Variants in CACNA1B observed in about 807,000 individuals in gnomAD.
CACNA1B encodes voltage-dependent N-type calcium channel subunit alpha-1B.
CACNA1B carries 70 observed loss-of-function variants against 247.2 expected under a neutral mutation model. The ratio of observed to expected loss-of-function variants is 0.28; its 90% CI spans 0.23 to 0.35. CACNA1B has a LOEUF of 0.35. CACNA1B is among the 10% of genes least tolerant of loss of function. The probability of loss-of-function intolerance (pLI) is 1.00; values close to 1 mark genes in which losing one functional copy is unlikely to be tolerated. For missense variants in CACNA1B, 2,367 were observed against 3,197.4 expected (o/e 0.74, Z 6.26); for synonymous variants, 1,231 against 1,294.4 (o/e 0.95, Z 1.05).
chr9:138,032,874 A>C (rs1338461374), intron 20 of CACNA1B: 4 of 312,182 alleles, frequency 1.3e-5, no homozygotes, highest in Non-Finnish European at 2.5e-5. Context: ...CTTTAAGTTT[A>C]TCTTGTTTGG....
chr9:138,069,706 C>T (rs368966676), intron 31 of CACNA1B, 52 bp from the exon 32 acceptor site: 2 of 1,507,322 alleles, frequency 1.3e-6, no homozygotes, highest in Non-Finnish European at 1.8e-6. Context: ...CTCAAACCTC[C>T]CCAATTTGTA....
Position 138,116,933 on chromosome 9 carries a change from C to T in CACNA1B, c.5778-1013C>T, listed in dbSNP as rs889664182. 3.3e-5 allele frequency among the ~76,000 whole-genome samples: 5 copies of T among 152,166 alleles called. No homozygotes were observed. The East Asian group carries it at 7.7e-4, about 23-fold the overall frequency. Reference sequence around the variant, plus strand: ...TCAGAAGACAAAGGATGGGGCTTCTCAGAAGCCCCAGCAACCACCAGTGTG... The same window carrying T: ...TCAGAAGACAAAGGATGGGGCTTCTTAGAAGCCCCAGCAACCACCAGTGTG... On this transcript the variant is annotated intron_variant, in intron 42 of 46. Coordinates refer to ENST00000371372, the MANE Select transcript of CACNA1B (RefSeq NM_000718.4).
At chr9:138,044,740 C>T (rs545497245) in intron 21 of CACNA1B, among the ~76,000 whole-genome samples, 42 of 152,346 alleles carry the variant, frequency 2.8e-4, no homozygotes, top group African/African-American at 1.0e-3. Flanking sequence ...CATGGACGTA[C>T]CCCTGTTCGT....
In CACNA1B at chr9:138,084,908, C is replaced by T. The variant is rs531883476; in HGVS notation, c.5094+6650C>T. Among the ~76,000 whole-genome samples the T allele has an allele frequency of 3.0e-4, 45 of 149,168 alleles. 1 individual carries two copies. The highest frequency in any genetic ancestry group is 5.8e-4 in the African/African-American group (23 of 39,934). Reference sequence around the variant, plus strand: ...CGGAGCTTGTAGTGAGCCGAGATCACGCCACTGCACTCCAGCCTGGGTGAC... The same window carrying T: ...CGGAGCTTGTAGTGAGCCGAGATCATGCCACTGCACTCCAGCCTGGGTGAC... On this transcript the variant is annotated intron_variant, in intron 36 of 46. Coordinates refer to ENST00000371372, the MANE Select transcript of CACNA1B (RefSeq NM_000718.4).
intron 39 of CACNA1B, among the ~76,000 whole-genome samples, chr9:138,107,232 T>G (rs1380474823): frequency 1.1e-5 from 1 of 93,994 alleles, no homozygotes; most frequent in Non-Finnish European, 2.1e-5. Flanking sequence ...ATTTATTTAT[T>G]TATTTATTTA....
intron 15 of CACNA1B, among the ~76,000 whole-genome samples, chr9:137,998,256 A>G (rs1332013524): frequency 6.6e-6 from 1 of 152,150 alleles, no homozygotes. Context: ...TGTTTAAAAT[A>G]TTGTGTAATT....
At chr9:138,090,939 G>A (rs1210254626) in intron 36 of CACNA1B, among the ~76,000 whole-genome samples, 1 of 151,924 alleles carries the variant, frequency 6.6e-6, no homozygotes, top group African/African-American at 2.4e-5. Flanking sequence ...TCATGAGAAT[G>A]GAGAGAAAGG....
At chr9:138,000,385 A>G (rs980624669) in intron 15 of CACNA1B, among the ~76,000 whole-genome samples, 1 of 152,236 alleles carries the variant, frequency 6.6e-6, no homozygotes, top group Non-Finnish European at 1.5e-5. Context: ...GACATGAGCC[A>G]CCGTGCCTGG....
At position 137,986,554 on chromosome 9, in the gene CACNA1B, C is replaced by G. The variant is rs775570640; in HGVS notation, c.1901+10C>G. On this transcript the variant is annotated intron_variant, in intron 14 of 46. Coordinates refer to ENST00000371372, the MANE Select transcript of CACNA1B (RefSeq NM_000718.4). The surrounding 1 kb of genome is among the most constrained non-coding windows in gnomAD (Gnocchi z 6.0). ...AGCTGTTTGGGGGACAGTAAGTGGG[C>G]CCGGGAGGGAGAGCTCAAGGCTGGG... The G allele has an allele frequency of 1.9e-6, 3 of 1,613,368 alleles. No individual in the cohort carries two copies. The highest frequency in any genetic ancestry group is 2.5e-6 in the Non-Finnish European group (3 of 1,179,656).
intron 6 of CACNA1B, among the ~76,000 whole-genome samples, chr9:137,925,243 C>T (rs1033172319): frequency 5.9e-5 from 9 of 152,216 alleles, no homozygotes. Context: ...CCCAGGTTAT[C>T]TGAGGCAGTA....
At chr9:137,900,009 A>T (rs983567057) in intron 3 of CACNA1B, among the ~76,000 whole-genome samples, 2 of 152,144 alleles carry the variant, frequency 1.3e-5, no homozygotes, top group Non-Finnish European at 2.9e-5. Flanking sequence ...ATAGTTTCTC[A>T]TAGAACATAA....
At chr9:137,935,594 T>C (rs1034728938) in intron 6 of CACNA1B, among the ~76,000 whole-genome samples, 1 of 152,224 alleles carries the variant, frequency 6.6e-6, no homozygotes, top group African/African-American at 2.4e-5. Flanking sequence ...AGTAGCATGA[T>C]TTATAATCCT....
intron 42 of CACNA1B, 34 bp downstream of exon 42, chr9:138,115,713 G>T (rs1961831264): frequency 1.9e-6 from 3 of 1,591,882 alleles, no homozygotes; most frequent in East Asian, 4.5e-5. Context: ...AGCTGGACAG[G>T]AGGAGGTCCA....
chr9:138,121,390 T>G lies in CACNA1B; in HGVS notation c.6490-79T>G, dbSNP rs900841485. On this transcript the variant is annotated intron_variant, in intron 46 of 46. Transcript: ENST00000371372. This position sits in a 1 kb window ranked among gnomAD's most constrained non-coding sequence, Gnocchi z 6.8. Reference sequence around the variant, plus strand: ...CCTCCCATCCCCCCAGGCACCTGTGTGTGATGTGCTCTGTCTGTTGGTTCG... The same window carrying G: ...CCTCCCATCCCCCCAGGCACCTGTGGGTGATGTGCTCTGTCTGTTGGTTCG... The G allele has an allele frequency of 2.7e-6, 3 of 1,130,550 alleles. No homozygotes were observed. The highest frequency in any genetic ancestry group is 3.7e-6 in the Non-Finnish European group (3 of 811,870). 70.0% of individuals were successfully genotyped at this position (1,130,550 alleles called of 1,614,324 possible).
chr9:137,891,048 A>G lies in CACNA1B; in HGVS notation c.530+8165A>G. 6.6e-6 allele frequency: 1 copy of G among 152,106 alleles called. No individual in the cohort carries two copies. Among genetic ancestry groups the G allele is most frequent in the East Asian group, 1.9e-4 (1 of 5,174 alleles). 9.4% of individuals were successfully genotyped at this position (152,106 alleles called of 1,614,324 possible). ...GACACAGCTGTGTGGTGTCGGGGGC[A>G]CACGCCCACTCCTGGGACCATGGCT... On this transcript the variant is annotated intron_variant, in intron 3 of 46. Transcript: ENST00000371372. The surrounding 1 kb of genome is among the most constrained non-coding windows in gnomAD (Gnocchi z 4.3).
chr9:137,884,966 C>CT (rs546496137), intron 3 of CACNA1B, among the ~76,000 whole-genome samples: 4 of 107,670 alleles, frequency 3.7e-5, no homozygotes, highest in Admixed American at 9.0e-5. Context: ...TTCCCCCCCC[C>CT]CCTCCTCCCA....
Position 138,105,705 on chromosome 9 carries a change from G to T in CACNA1B, c.5326G>T (p.Val1776Phe). 6.4e-7 allele frequency: 1 copy of T among 1,551,730 alleles called. No individual in the cohort carries two copies. Among genetic ancestry groups the T allele is most frequent in the South Asian group, 1.2e-5 (1 of 84,274 alleles). The change falls in exon 39 of 47, where the codon GTT (valine) becomes TTT (phenylalanine). Residue 1776 changes from valine (V) to phenylalanine (F), a missense_variant. Around this residue, in one of 12 missense-constraint regions of CACNA1B, gnomAD observed 55 missense variants for 107.8 expected, o/e 0.51. Transcript: ENST00000371372. Reference protein sequence around the residue: ...CPARVAYKRLVRMNMPISNED... With the variant: ...CPARVAYKRLFRMNMPISNED... Reference sequence around the variant, plus strand: ...CGGCCCTGCTTGTCCCTAGCGCCTGGTTCGCATGAACATGCCCATCTCCAA... The same window carrying T: ...CGGCCCTGCTTGTCCCTAGCGCCTGTTTCGCATGAACATGCCCATCTCCAA...
At chr9:137,975,817 G>C (rs751422875) in intron 11 of CACNA1B, 90 bp from the exon 12 acceptor site, 1 of 773,826 alleles carries the variant, frequency 1.3e-6, no homozygotes, top group Non-Finnish European at 2.3e-6. Flanking sequence ...GCCCTGGGAA[G>C]GCCCAGAGGT....
rs146688267 is a variant in CACNA1B at position 138,061,887 on chromosome 9, C to T, written c.4668+2150C>T. Among the ~76,000 whole-genome samples the T allele has an allele frequency of 2.0e-3, 298 of 152,334 alleles. 2 individuals carry two copies. The highest frequency in any genetic ancestry group is 6.3e-3 in the African/African-American group (260 of 41,576). Reference sequence around the variant, plus strand: ...TGTCTGTTCATTCCCGGTAGATAATCGTCAGTGGTCATGACTGGATCATGC... The same window carrying T: ...TGTCTGTTCATTCCCGGTAGATAATTGTCAGTGGTCATGACTGGATCATGC... On this transcript the variant is annotated intron_variant, in intron 31 of 46. Transcript: ENST00000371372.
Sources: allele counts gnomAD v4.1 joint callset (sites outside exome capture counted in the v4.1 genomes callset), GRCh38; gene constraint gnomAD v4.1.1; regional missense constraint gnomAD v4.1.1; non-coding constraint Gnocchi (gnomAD v3.1); transcripts MANE v1.5; gene names NCBI Gene and HGNC (gene_info 2026-07-23, HGNC 2026-07-21).